CDKN2B-AS1: variants seen among roughly 807,000 people sequenced by gnomAD.
CDKN2B-AS1 encodes CDKN2B antisense RNA 1 (non-protein coding).
In CDKN2B-AS1 at chr9:22,018,591, A is replaced by C. The variant is rs529429317; in HGVS notation, n.29+23430A>C. Among the ~76,000 whole-genome samples, 245 of 152,334 alleles carry C rather than the reference A, an allele frequency of 1.6e-3. 3 individuals are homozygous for C. Among genetic ancestry groups the C allele is most frequent in the African/African-American group, 5.7e-3 (235 of 41,578 alleles). On this transcript the variant is annotated intron_variant and non_coding_transcript_variant, in intron 1 of 4. Coordinates refer to ENST00000650946, the Ensembl canonical transcript of CDKN2B-AS1. ...AGAATCGCTTGAACCTGGGAGGCAG[A>C]GGTTGCCTGTGCACTCGGGCCACTG... is the stretch of plus-strand genomic sequence containing the variant.
At chr9:22,116,517 T>C (rs900727000) in intron 4 of CDKN2B-AS1, among the ~76,000 whole-genome samples, 6 of 152,194 alleles carry the variant, frequency 3.9e-5, no homozygotes, top group African/African-American at 1.4e-4. Context: ...AAGGAAAATA[T>C]AGCCTGCTTG....
chr9:22,011,235 C>G (rs1167962383), intron 1 of CDKN2B-AS1, among the ~76,000 whole-genome samples: 1 of 152,218 alleles, frequency 6.6e-6, no homozygotes, highest in Non-Finnish European at 1.5e-5. Context: ...ATTATGGAAG[C>G]TCAATGAATT....
At chr9:22,061,222 G>A (rs1012794933) in intron 4 of CDKN2B-AS1, among the ~76,000 whole-genome samples, 4 of 152,062 alleles carry the variant, frequency 2.6e-5, no homozygotes, top group African/African-American at 7.2e-5. Context: ...TCTCAGTCTG[G>A]AACTCCTTCC....
intron 4 of CDKN2B-AS1, among the ~76,000 whole-genome samples, chr9:22,095,092 G>C (rs1229042554): frequency 6.9e-6 from 1 of 144,944 alleles, no homozygotes; most frequent in African/African-American, 2.9e-5. Flanking sequence ...GACGCTGTTT[G>C]CCTGGGTATC....
chr9:22,075,474 G>A lies in CDKN2B-AS1; in HGVS notation n.438+19087G>A, dbSNP rs146293394. Among the ~76,000 whole-genome samples the A allele has an allele frequency of 8.8e-3, 1,346 of 152,292 alleles. 11 individuals carry two copies. The highest frequency in any genetic ancestry group is 0.014 in the Non-Finnish European group (933 of 68,016). ...TCCTGTAAAAATAAAGTCTTAACTG[G>A]GCTTCAAAGGATGAACAGGAATTAT... On this transcript the variant is annotated intron_variant and non_coding_transcript_variant, in intron 4 of 4. Coordinates refer to ENST00000650946, the Ensembl canonical transcript of CDKN2B-AS1.
chr9:22,078,963 C>G (rs1037469375), intron 4 of CDKN2B-AS1, among the ~76,000 whole-genome samples: 1 of 152,074 alleles, frequency 6.6e-6, no homozygotes, highest in African/African-American at 2.4e-5. Flanking sequence ...TTGTTTGGAT[C>G]CCACAGAGAA....
chr9:22,124,225 A>T (rs1826144319), intron 4 of CDKN2B-AS1, among the ~76,000 whole-genome samples: 1 of 152,234 alleles, frequency 6.6e-6, no homozygotes, highest in Non-Finnish European at 1.5e-5. Flanking sequence ...TTTCTATTTG[A>T]TGTAAAGTCT....
Position 22,108,854 on chromosome 9 carries a change from G to T in CDKN2B-AS1, n.439-18249G>T, listed in dbSNP as rs1054883182. Among the ~76,000 whole-genome samples, 5 of 152,092 alleles carry T rather than the reference G, an allele frequency of 3.3e-5. No homozygotes were observed. In the South Asian group the frequency reaches 6.2e-4, roughly 19 times the overall value. On this transcript the variant is annotated intron_variant and non_coding_transcript_variant, in intron 4 of 4. Coordinates refer to ENST00000650946, the Ensembl canonical transcript of CDKN2B-AS1. ...ATTAGAATATAAAGGTTAAGCAAGG[G>T]TTTAGTTTTTGTTCAAAAGCCGTTT...
chr9:22,090,160 T>A (rs1439962824), intron 4 of CDKN2B-AS1, among the ~76,000 whole-genome samples: 1 of 152,162 alleles, frequency 6.6e-6, no homozygotes, highest in Non-Finnish European at 1.5e-5. Flanking sequence ...CATGAACTCA[T>A]CCTTTTTTAT....
intron 4 of CDKN2B-AS1, chr9:22,058,487 A>G (rs958260760): frequency 1.3e-5 from 2 of 152,274 alleles, no homozygotes; most frequent in Admixed American, 6.5e-5. Context: ...TTCTGTTGCC[A>G]TTTGAATCTT....
At chr9:22,118,018 G>A (rs1401743063) in intron 4 of CDKN2B-AS1, 1 of 152,366 alleles carries the variant, frequency 6.6e-6, no homozygotes, top group African/African-American at 2.4e-5. Context: ...AAAACTGCAG[G>A]ATGGGTAGCG....
At position 22,006,235 on chromosome 9, in the gene CDKN2B-AS1, CCAT is replaced by C. The variant is rs1430566019; in HGVS notation, n.29+11081_29+11083del. 2.5e-6 allele frequency: 4 copies of C among 1,605,646 alleles called. No individual in the cohort carries two copies. The Admixed American group carries it at 6.7e-5, about 27-fold the overall frequency. ...AGCAGCTCCGCCACGCGGGCGCTGC[CCAT>C]CATCATGACCTGCCAGAGAGAGCAG... On this transcript the variant is annotated intron_variant and non_coding_transcript_variant, in intron 1 of 4. Coordinates refer to ENST00000650946, the Ensembl canonical transcript of CDKN2B-AS1. This position sits in a 1 kb window ranked among gnomAD's most constrained non-coding sequence, Gnocchi z 6.4.
At chr9:22,090,825 G>A (rs893181024) in intron 4 of CDKN2B-AS1, among the ~76,000 whole-genome samples, 3 of 152,096 alleles carry the variant, frequency 2.0e-5, no homozygotes, top group Admixed American at 1.3e-4. Context: ...AAGTTCTTTA[G>A]TTTAATTAGA....
rs752585465 is a variant in CDKN2B-AS1 at position 22,056,049 on chromosome 9, CT to C, written n.303-190del. 1.7e-3 allele frequency among the ~76,000 whole-genome samples: 233 copies of C among 138,312 alleles called. 1 individual carries two copies. The highest frequency in any genetic ancestry group is 7.2e-3 in the Middle Eastern group (2 of 276). 90.7% of individuals were successfully genotyped at this position (138,312 alleles called of 152,430 possible). A position where few individuals can be genotyped will look rare whatever the true frequency, so the allele number is the denominator to read the frequency against. ...TTGAAGGTTACATAGATTTTTTTTT[CT>C]TTTTTTTTTTTTGAGACGGAGTCTT... is the stretch of plus-strand genomic sequence containing the variant. On this transcript the variant is annotated intron_variant and non_coding_transcript_variant, in intron 3 of 4. Coordinates refer to ENST00000650946, the Ensembl canonical transcript of CDKN2B-AS1.
At chr9:22,112,065 A>G (rs1825818345) in intron 4 of CDKN2B-AS1, 1 of 152,072 alleles carries the variant, frequency 6.6e-6, no homozygotes, top group Non-Finnish European at 1.5e-5. Flanking sequence ...ACAAAGTAAA[A>G]TTTTTCTCTT....
At chr9:22,047,150 A>G (rs534755188) in intron 2 of CDKN2B-AS1, among the ~76,000 whole-genome samples, 1 of 152,234 alleles carries the variant, frequency 6.6e-6, no homozygotes, top group Non-Finnish European at 1.5e-5. Flanking sequence ...CCTTTGCTCA[A>G]GCATTGCTCT....
intron 4 of CDKN2B-AS1, among the ~76,000 whole-genome samples, chr9:22,123,610 C>G (rs1405947197): frequency 6.6e-6 from 1 of 151,058 alleles, no homozygotes; most frequent in East Asian, 1.9e-4. Flanking sequence ...GGCCAATGAT[C>G]CAGAAGTAAT....
At chr9:22,080,675 A>G (rs1290465944) in intron 4 of CDKN2B-AS1, among the ~76,000 whole-genome samples, 3 of 152,252 alleles carry the variant, frequency 2.0e-5, no homozygotes, top group African/African-American at 2.4e-5. Flanking sequence ...TATTTCTGAC[A>G]GTTTGCAGAG....
chr9:22,064,675 C>G (rs1403526994), intron 4 of CDKN2B-AS1, among the ~76,000 whole-genome samples: 1 of 152,064 alleles, frequency 6.6e-6, no homozygotes, highest in Admixed American at 6.5e-5. Flanking sequence ...TGGGTGGGTT[C>G]ACTGTGTGGA....
Sources: gnomAD v4.1 joint callset for allele counts (sites outside exome capture counted in the v4.1 genomes callset) on GRCh38, gnomAD v4.1.1 for gene constraint, Gnocchi (gnomAD v3.1) non-coding constraint, MANE v1.5 for transcripts, NCBI Gene and HGNC (gene_info 2026-07-23, HGNC 2026-07-21) for gene names.